Variants in FBF1 observed in about 807,000 individuals in gnomAD.
FBF1 encodes the protein fas-binding factor 1.
In FBF1, 119 loss-of-function variants were observed where a neutral mutation model predicts 147.2. The observed-to-expected ratio is 0.81, with a 90% CI of 0.70 to 0.94. The LOEUF (loss-of-function observed/expected upper bound fraction) is 0.94. Among genes scored for constraint, FBF1 ranks in the 40% least tolerant of loss-of-function variants. The pLI is 0.00. For synonymous variants in FBF1, 601 were observed against 609.0 expected (o/e 0.99, Z 0.19); for missense variants, 1,449 against 1,500.8 (o/e 0.97, Z 0.57).
At chr17:75,913,844 G>A in intron 27 of FBF1, 25 bp from the exon 28 acceptor site, 1 of 1,582,756 alleles carries the variant, frequency 6.3e-7, no homozygotes, top group Non-Finnish European at 8.6e-7. Flanking sequence ...CCAGAAAGAA[G>A]GACTCAGCTG....
intron 25 of FBF1, 71 bp from the exon 26 acceptor site, chr17:75,914,369 G>A: frequency 2.0e-6 from 3 of 1,500,080 alleles, no homozygotes; most frequent in Non-Finnish European, 2.7e-6. Flanking sequence ...GGACTCTAGG[G>A]TCCCCTCTGC....
At position 75,926,136 on chromosome 17, in the gene FBF1, C is replaced by A. The variant is rs114226764; in HGVS notation, c.762G>T (p.Thr254=). ...DQEGPRPARS[T]LDELLGRGMA... is the part of the protein sequence containing the mutation. ...TGCCTCGACCCAGCAGCTCATCCAG[C>A]GTGGAGCGAGCAGGGCGAGGCCCTT... The change falls in exon 12 of 30, where the codon ACG becomes ACT. Residue 254 remains threonine, a synonymous_variant. Coordinates refer to ENST00000636174, the MANE Select transcript of FBF1 (RefSeq NM_001319193.2). 1.9e-6 allele frequency: 3 copies of A among 1,609,906 alleles called. No individual in the cohort carries two copies. Among genetic ancestry groups the A allele is most frequent in the Admixed American group, 1.7e-5 (1 of 59,342 alleles).
At chr17:75,912,397 CCAGT>C in intron 28 of FBF1, 90 bp from the exon 29 acceptor site, 1 of 957,084 alleles carries the variant, frequency 1.0e-6, no homozygotes, top group Non-Finnish European at 1.5e-6. Context: ...GCTCCCCCCG[CCAGT>C]GGGTGGACCC....
rs769079564 is a variant in FBF1 at position 75,914,840 on chromosome 17, C to T, written c.2721G>A (p.Gln907=). Reference sequence around the variant, plus strand: ...CGGCCCGCTCCTTACTCAGCTTTTGCTGCGCGGAGAACTCCGCCCACTCGG... The same window carrying T: ...CGGCCCGCTCCTTACTCAGCTTTTGTTGCGCGGAGAACTCCGCCCACTCGG... The part of the protein sequence containing the change: ...LAAEWAEFSA[Q]QKLSKERAER... Residue 907 remains glutamine (Q), a synonymous_variant, in exon 25 of 30, where the codon CAG becomes CAA. Coordinates refer to ENST00000636174, the MANE Select transcript of FBF1 (RefSeq NM_001319193.2). The T allele has an allele frequency of 6.3e-7, 1 of 1,597,956 alleles. No individual in the cohort carries two copies. Among genetic ancestry groups the T allele is most frequent in the East Asian group, 2.3e-5 (1 of 44,090 alleles).
In FBF1 at chr17:75,915,004, T is replaced by A. The variant is rs748548140; in HGVS notation, c.2628+13A>T. The A allele has an allele frequency of 3.7e-6, 6 of 1,612,950 alleles. No homozygotes were observed. The highest frequency in any genetic ancestry group is 1.7e-6 in the Non-Finnish European group (2 of 1,179,674). On this transcript the variant is annotated intron_variant, in intron 24 of 29. Transcript: ENST00000636174. ...TGGCAGGGGCAGGGGCTGAGTGCGG[T>A]GGCTTGACTCACCTTGGCCCGTTCC...
At position 75,910,903 on chromosome 17, in the gene FBF1, C is replaced by A; in HGVS notation, c.3364-97G>T. 1 of 996,412 alleles carries A rather than the reference C, an allele frequency of 1.0e-6. No homozygotes were observed. The highest frequency in any genetic ancestry group is 1.5e-6 in the Non-Finnish European group (1 of 654,012). 61.7% of individuals were successfully genotyped at this position (996,412 alleles called of 1,614,324 possible). On this transcript the variant is annotated intron_variant, in intron 29 of 29. Transcript: ENST00000636174. The surrounding 1 kb of genome is among the most constrained non-coding windows in gnomAD (Gnocchi z 4.1). Reference sequence around the variant, plus strand: ...GAGCCAGCCGTCACTGAGGCCCCTCCCCACATCGTCCCTGACTCTGCCTGG... The same window carrying A: ...GAGCCAGCCGTCACTGAGGCCCCTCACCACATCGTCCCTGACTCTGCCTGG...
chr17:75,929,945 A>AGGGGGGGCCCCCCCCCCCCCC, intron 7 of FBF1, 52 bp downstream of exon 7: 1 of 650,908 alleles, frequency 1.5e-6, no homozygotes, highest in East Asian at 2.8e-5. Context: ...AAATATCATG[A>AGGGGGGGCCCCCCCCCCCCCC]CCCCACCCCA....
In FBF1 at chr17:75,922,010, T is replaced by C. The variant is rs1372739878; in HGVS notation, c.1461A>G (p.Ala487=). 2 of 1,551,844 alleles carry C rather than the reference T, an allele frequency of 1.3e-6. No homozygotes were observed. The highest frequency in any genetic ancestry group is 1.2e-5 in the South Asian group (1 of 84,058). Residue 487 remains alanine, a synonymous_variant, in exon 15 of 30, where the codon GCA becomes GCG. Coordinates refer to ENST00000636174, the MANE Select transcript of FBF1 (RefSeq NM_001319193.2). This position sits in a 1 kb window ranked among gnomAD's most constrained non-coding sequence, Gnocchi z 5.0. The part of the protein sequence containing the change: ...PLTSTQGLEH[A]AAGGSSGTTA... ...TTGTTCCAGAACTCCCTCCAGCAGC[T>C]GCGTGCTCAAGCCCTTGTGTGCTGG... is the stretch of plus-strand genomic sequence containing the variant.
In FBF1 at chr17:75,911,410, G is replaced by A. The variant is rs2065456105; in HGVS notation, c.3364-604C>T. On this transcript the variant is annotated intron_variant, in intron 29 of 29. Coordinates refer to ENST00000636174, the MANE Select transcript of FBF1 (RefSeq NM_001319193.2). ...CTGTCACCCAAGCTGAAGTGCAGTG[G>A]TGTGAACACACCTGTAGCCTCGACC... 2.0e-5 allele frequency among the ~76,000 whole-genome samples: 3 copies of A among 152,200 alleles called. No homozygotes were observed. In the South Asian group the frequency reaches 6.2e-4, roughly 32 times the overall value.
rs569245534 is a variant in FBF1, at chr17:75,915,052, T to C, written c.2593A>G (p.Met865Val). The C allele has an allele frequency of 1.2e-6, 2 of 1,613,580 alleles. No homozygotes were observed. Among genetic ancestry groups the C allele is most frequent in the Admixed American group, 1.7e-5 (1 of 60,022 alleles). ...TCCAGCTCCGCCCTTTCCATGGCCA[T>C]CTGCTGGGCCGTGACCTTCCTTTGC... is the stretch of plus-strand genomic sequence containing the variant. ...EEQRKVTAQQ[M>V]AMERAELERA... is the part of the protein sequence containing the mutation. Residue 865 changes from methionine to valine, a missense_variant, in exon 24 of 30, where the codon ATG becomes GTG. Transcript: ENST00000636174.
At chr17:75,912,346 G>A (rs1268338257) in intron 28 of FBF1, 39 bp from the exon 29 acceptor site, 3 of 1,479,074 alleles carry the variant, frequency 2.0e-6, no homozygotes, top group African/African-American at 2.8e-5. Flanking sequence ...CCAAAGTGTT[G>A]GTGGAAATAC....
intron 18 of FBF1, 59 bp from the exon 19 acceptor site, chr17:75,920,166 C>T (rs1410063832): frequency 6.3e-7 from 1 of 1,585,400 alleles, no homozygotes; most frequent in Non-Finnish European, 8.6e-7. Context: ...CTCCACGCTG[C>T]CCTGTGCCAA....
At position 75,919,527 on chromosome 17, in the gene FBF1, T is replaced by C. The variant is rs2065510125; in HGVS notation, c.2138+141A>G. The C allele has an allele frequency of 2.1e-6, 2 of 931,748 alleles. No homozygotes were observed. The highest frequency in any genetic ancestry group is 3.2e-6 in the Non-Finnish European group (2 of 623,962). The allele number at this position is 931,748 out of a possible 1,614,324, so 57.7% of individuals were successfully genotyped here. A position where few individuals can be genotyped will look rare whatever the true frequency, so the allele number is the denominator to read the frequency against. On this transcript the variant is annotated intron_variant, in intron 20 of 29. Transcript: ENST00000636174. This position sits in a 1 kb window ranked among gnomAD's most constrained non-coding sequence, Gnocchi z 5.0. ...ATGGGTCAGTGTGCTCAGCCCTCAG[T>C]CCTCACTCACTGGACTGGGAGGGAA...
At position 75,930,783 on chromosome 17, in the gene FBF1, G is replaced by A. The variant is rs545760459; in HGVS notation, c.228+446C>T. ...CTAAAAATACAAAAATCAGCCAGGCGTGGTGGTGGGTGCCTGTAATCCCAG... is the reference window on the plus strand; with the variant it reads ...CTAAAAATACAAAAATCAGCCAGGCATGGTGGTGGGTGCCTGTAATCCCAG... On this transcript the variant is annotated intron_variant, in intron 6 of 29. Coordinates refer to ENST00000636174, the MANE Select transcript of FBF1 (RefSeq NM_001319193.2). Among the ~76,000 whole-genome samples the A allele has an allele frequency of 5.3e-5, 8 of 152,242 alleles. No homozygotes were observed. The South Asian group carries it at 8.3e-4, about 16-fold the overall frequency.
chr17:75,923,324 G>A lies in FBF1; in HGVS notation c.1286C>T (p.Ala429Val), dbSNP rs762506140. The change falls in exon 14 of 30, where the codon GCC becomes GTC. Residue 429 changes from alanine to valine, a missense_variant. By Grantham distance (64) the Ala-to-Val change is moderately conservative. Coordinates refer to ENST00000636174, the MANE Select transcript of FBF1 (RefSeq NM_001319193.2). The surrounding 1 kb of genome is among the most constrained non-coding windows in gnomAD (Gnocchi z 4.1). ...AKASQASKLR[A>V]SKEEKEDWLS... ...CCAGTCCTCTTTCTCCTCCTTGGAGGCTCGCAGCTTGGAAGCCTGGCTGGC... is the reference window on the plus strand; with the variant it reads ...CCAGTCCTCTTTCTCCTCCTTGGAGACTCGCAGCTTGGAAGCCTGGCTGGC... The A allele has an allele frequency of 5.0e-5, 80 of 1,599,294 alleles. No individual in the cohort carries two copies. In the South Asian group the frequency reaches 8.8e-4, roughly 18 times the overall value.
At position 75,920,359 on chromosome 17, in the gene FBF1, G is replaced by A. The variant is rs1439528620; in HGVS notation, c.1745C>T (p.Ala582Val). Residue 582 changes from alanine to valine, a missense_variant, in exon 18 of 30, where the codon GCA (alanine) becomes GTA (valine). Coordinates refer to ENST00000636174, the MANE Select transcript of FBF1 (RefSeq NM_001319193.2). ...STEYQKQLLA[A>V]QVQLQCSPAE... ...GGGGCTGCACTGAAGTTGCACCTGT[G>A]CTGCCAGGAGCTGCTTCTGGTATTC... 1 of 1,605,188 alleles carries A rather than the reference G, an allele frequency of 6.2e-7. No individual in the cohort carries two copies. Among genetic ancestry groups the A allele is most frequent in the Non-Finnish European group, 8.5e-7 (1 of 1,176,534 alleles).
intron 1 of FBF1, among the ~76,000 whole-genome samples, chr17:75,939,295 C>CAA (rs56272719): frequency 1.6e-3 from 129 of 82,776 alleles, no homozygotes; most frequent in Non-Finnish European, 2.3e-3. Flanking sequence ...ACTCTGTCTC[C>CAA]AAAAAAAAAA....
In FBF1 at chr17:75,910,608, T is replaced by C. The variant is rs2065451178; in HGVS notation, c.*115A>G. ...CACCCTGTCCACGGAAGAGCTGTCA[T>C]CAGGCCTCAAGCATCTCAGAATCCT... On this transcript the variant is annotated 3_prime_UTR_variant, in exon 30 of 30. Coordinates refer to ENST00000636174, the MANE Select transcript of FBF1 (RefSeq NM_001319193.2). This position sits in a 1 kb window ranked among gnomAD's most constrained non-coding sequence, Gnocchi z 4.1. 2.3e-6 allele frequency: 2 copies of C among 872,928 alleles called. No individual in the cohort carries two copies. The highest frequency in any genetic ancestry group is 4.8e-5 in the Admixed American group (2 of 42,048). 54.1% of individuals were successfully genotyped at this position (872,928 alleles called of 1,614,324 possible). A position where few individuals can be genotyped will look rare whatever the true frequency, so the allele number is the denominator to read the frequency against.
rs936569259 is a variant in FBF1, at chr17:75,918,809, T to A, written c.2139-540A>T. On this transcript the variant is annotated intron_variant, in intron 20 of 29. Transcript: ENST00000636174. This position sits in a 1 kb window ranked among gnomAD's most constrained non-coding sequence, Gnocchi z 5.8. ...GCCCGGCCCCAAGCAGTCTTTCTTT[T>A]TTTTTTTTTTTTTCCTAGAGATGAG... 5.3e-5 allele frequency among the ~76,000 whole-genome samples: 8 copies of A among 149,920 alleles called. No individual in the cohort carries two copies. The highest frequency in any genetic ancestry group is 1.0e-4 in the Non-Finnish European group (7 of 67,302).
Sources: allele counts gnomAD v4.1 joint callset (sites outside exome capture counted in the v4.1 genomes callset), GRCh38; gene constraint gnomAD v4.1.1; non-coding constraint Gnocchi (gnomAD v3.1); transcripts MANE v1.5; gene names NCBI Gene and HGNC (gene_info 2026-07-23, HGNC 2026-07-21).